The following CPLANE1 variants were observed in gnomAD, a reference collection of about 807,000 sequenced individuals.
CPLANE1 encodes the protein ciliogenesis and planar polarity effector 1.
In CPLANE1, 263 loss-of-function variants were observed where a neutral mutation model predicts 362.5. That is an observed-to-expected ratio of 0.73 (90% CI 0.66 to 0.80). The LOEUF is 0.80. Ranked by LOEUF, CPLANE1 falls within the 30% of genes least tolerant of loss-of-function variation. The pLI is 0.00. For missense variants in CPLANE1, 3,461 were observed against 3,793.4 expected, an observed-to-expected ratio of 0.91 and a Z score of 2.30; for synonymous variants, 1,212 against 1,302.6, an observed-to-expected ratio of 0.93 and a Z score of 1.50.
At position 37,225,933 on chromosome 5, in the gene CPLANE1, C is replaced by T. The variant is rs142718572; in HGVS notation, c.2291+371G>A. On this transcript the variant is annotated intron_variant, in intron 12 of 52. Transcript: ENST00000651892. ...AAAATCTTTCAAGATCATGGTTTTC[C>T]GAGACTAAGAAAATATGTATTGTAC... Among the ~76,000 whole-genome samples, 1,185 of 150,576 alleles carry T rather than the reference C, an allele frequency of 7.9e-3. 11 individuals carry two copies. Among genetic ancestry groups the T allele is most frequent in the African/African-American group, 0.021 (862 of 41,014 alleles).
chr5:37,227,681 C>A lies in CPLANE1; in HGVS notation c.1258G>T (p.Val420Phe). ...CTATCAAGAAATCGAAGGGTTGTGA[C>A]CATATATCCATCAGATATAACGAGG... The part of the protein sequence containing the change: ...PYLVISDGYM[V>F]TTLRFLDSLS... The change falls in exon 10 of 53, where the codon GTC becomes TTC. Residue 420 changes from valine (V) to phenylalanine (F), a missense_variant. Physicochemically the swap from Val to Phe is conservative, Grantham distance 50. This residue lies in a region of CPLANE1 where 3,380 missense variants were observed against 3,666.1 expected (regional missense o/e 0.92). Coordinates refer to ENST00000651892, the MANE Select transcript of CPLANE1 (RefSeq NM_001384732.1). 2 of 1,551,402 alleles carry A rather than the reference C, an allele frequency of 1.3e-6. No homozygotes were observed. Among genetic ancestry groups the A allele is most frequent in the Non-Finnish European group, 1.7e-6 (2 of 1,146,868 alleles).
chr5:37,170,482 AAT>A, intron 32 of CPLANE1, 151 bp from the exon 33 acceptor site: 1 of 839,756 alleles, frequency 1.2e-6, no homozygotes, highest in Non-Finnish European at 1.8e-6. Flanking sequence ...CAGTCAGGGA[AAT>A]TTTTTTTTTT....
At chr5:37,114,893 T>G in intron 51 of CPLANE1, 67 bp downstream of exon 51, 1 of 941,032 alleles carries the variant, frequency 1.1e-6, no homozygotes, top group Non-Finnish European at 1.6e-6. Flanking sequence ...AGTGAGACTC[T>G]GTCTCAAAAA....
At chr5:37,154,033 TAAAG>T in intron 41 of CPLANE1, 40 bp from the exon 42 acceptor site, 2 of 1,528,624 alleles carry the variant, frequency 1.3e-6, no homozygotes, top group African/African-American at 1.4e-5. Context: ...TGATTATAAT[TAAAG>T]AAGAGGTATT....
At chr5:37,218,422 G>A (rs1794637726) in intron 15 of CPLANE1, among the ~76,000 whole-genome samples, 1 of 152,152 alleles carries the variant, frequency 6.6e-6, no homozygotes, top group South Asian at 2.1e-4. Flanking sequence ...ACTCTACTGG[G>A]AGAGGATTCA....
chr5:37,217,181 T>C (rs1794263870), intron 15 of CPLANE1, among the ~76,000 whole-genome samples: 2 of 152,308 alleles, frequency 1.3e-5, no homozygotes, highest in African/African-American at 4.8e-5. Flanking sequence ...GGTAAGATTT[T>C]CAGTAATCTT....
intron 12 of CPLANE1, among the ~76,000 whole-genome samples, chr5:37,226,011 T>C (rs1185579909): frequency 6.6e-6 from 1 of 152,112 alleles, no homozygotes; most frequent in Non-Finnish European, 1.5e-5. Flanking sequence ...AGTGTATACA[T>C]TTATCACGTA....
At chr5:37,211,273 A>C (rs1045995330) in intron 16 of CPLANE1, 1 of 1,513,004 alleles carries the variant, frequency 6.6e-7, no homozygotes, top group Non-Finnish European at 9.1e-7. Context: ...AGGGTCAAAC[A>C]GCTTCAGCAA....
In CPLANE1 at chr5:37,203,902, G is replaced by C. The variant is rs865958975; in HGVS notation, c.3289+1413C>G. ...ATGGAATGGAATTCATTCAAGAGCA[G>C]CTAAAGAGAAAAAAATGGAACCCTT... On this transcript the variant is annotated intron_variant, in intron 18 of 52. Coordinates refer to ENST00000651892, the MANE Select transcript of CPLANE1 (RefSeq NM_001384732.1). 1.9e-4 allele frequency among the ~76,000 whole-genome samples: 29 copies of C among 152,252 alleles called. 1 individual carries two copies. In the Middle Eastern group the frequency reaches 0.01, roughly 54 times the overall value.
chr5:37,120,302 G>A lies in CPLANE1; in HGVS notation c.9224C>T (p.Pro3075Leu), dbSNP rs1762267804. Residue 3075 changes from proline (P) to leucine (L), a missense_variant, in exon 50 of 53, where the codon CCT becomes CTT. Coordinates refer to ENST00000651892, the MANE Select transcript of CPLANE1 (RefSeq NM_001384732.1). Reference protein sequence around the residue: ...QHGHSFLINRPGKVKYMSKPS... With the variant: ...QHGHSFLINRLGKVKYMSKPS... The stretch of plus-strand genomic sequence containing the variant: ...TTTGGACATATATTTGACTTTTCCA[G>A]GTCGATTTATTAGAAAACTGTGACC... The A allele has an allele frequency of 1.9e-6, 3 of 1,594,062 alleles. No individual in the cohort carries two copies. The highest frequency in any genetic ancestry group is 1.2e-5 in the South Asian group (1 of 86,350).
chr5:37,210,275 G>A, intron 16 of CPLANE1: 3 of 1,601,028 alleles, frequency 1.9e-6, no homozygotes, highest in Non-Finnish European at 2.6e-6. Context: ...CAGAGCTGAA[G>A]CAAAGAGTTG....
At chr5:37,120,942 T>C (rs1437407633) in intron 49 of CPLANE1, among the ~76,000 whole-genome samples, 1 of 152,236 alleles carries the variant, frequency 6.6e-6, no homozygotes, top group Non-Finnish European at 1.5e-5. Context: ...TGTTTACAAT[T>C]CTAATAATTT....
At chr5:37,193,924 CT>C (rs746454996) in intron 21 of CPLANE1, among the ~76,000 whole-genome samples, 1,543 of 136,512 alleles carry the variant, frequency 0.011, 17 homozygotes, top group African/African-American at 0.033. Context: ...CTTTTTTTTT[CT>C]TTTTTTTTTT....
chr5:37,239,417 C>T (rs1019364129), intron 7 of CPLANE1, among the ~76,000 whole-genome samples: 43 of 151,616 alleles, frequency 2.8e-4, no homozygotes, highest in African/African-American at 9.4e-4. Flanking sequence ...CCCATCTCTA[C>T]CAAAAAAATA....
At position 37,169,347 on chromosome 5, in the gene CPLANE1, G is replaced by A. The variant is rs757011163; in HGVS notation, c.6677C>T (p.Pro2226Leu). The change falls in exon 34 of 53, where the codon CCT (proline) becomes CTT (leucine). Residue 2226 changes from proline to leucine, a missense_variant. Coordinates refer to ENST00000651892, the MANE Select transcript of CPLANE1 (RefSeq NM_001384732.1). ...AKTFSPGDGF[P>L]LLQFKSKQEF... ...TTGTTTAGACTTAAATTGAAGCAAA[G>A]GAAAGCCATCACCAGGACTAAATGT... 3.1e-6 allele frequency: 5 copies of A among 1,614,026 alleles called. No individual in the cohort carries two copies. Among genetic ancestry groups the A allele is most frequent in the Non-Finnish European group, 4.2e-6 (5 of 1,180,032 alleles).
intron 32 of CPLANE1, among the ~76,000 whole-genome samples, chr5:37,171,379 T>C (rs898835953): frequency 3.3e-5 from 5 of 152,202 alleles, no homozygotes; most frequent in Admixed American, 6.5e-5. Context: ...TATCCCAAGT[T>C]TCTGATTCAA....
chr5:37,207,413 A>AT (rs967017290), intron 16 of CPLANE1, among the ~76,000 whole-genome samples: 8 of 152,206 alleles, frequency 5.3e-5, no homozygotes, highest in Admixed American at 2.6e-4. Flanking sequence ...GACTGGCTAA[A>AT]TTTTTCCTAT....
Position 37,227,068 on chromosome 5 carries a change from A to G in CPLANE1, c.1527T>C (p.Phe509=), listed in dbSNP as rs1796611051. Residue 509 remains phenylalanine (F), a synonymous_variant, in exon 12 of 53, where the codon TTT becomes TTC. Coordinates refer to ENST00000651892, the MANE Select transcript of CPLANE1 (RefSeq NM_001384732.1). Reference sequence around the variant, plus strand: ...TGCCTTCGTTAGTTTCTTCTGCTTCAAAATCCTAAAACATGAGGGGAAAAA... The same window carrying G: ...TGCCTTCGTTAGTTTCTTCTGCTTCGAAATCCTAAAACATGAGGGGAAAAA... ...INENAADFQD[F]EAEETNEGRH... 1.3e-6 allele frequency: 2 copies of G among 1,541,298 alleles called. No individual in the cohort carries two copies. Among genetic ancestry groups the G allele is most frequent in the Non-Finnish European group, 8.8e-7 (1 of 1,142,748 alleles).
At chr5:37,088,872 A>C in the CPLANE1 span, among the ~76,000 whole-genome samples, 2 of 152,170 alleles carry the variant, frequency 1.3e-5, no homozygotes, top group African/African-American at 4.8e-5. Context: ...AAAGGAATTA[A>C]TGTGCTCACC....
Sources: allele counts gnomAD v4.1 joint callset (sites outside exome capture counted in the v4.1 genomes callset), GRCh38; gene constraint gnomAD v4.1.1; regional missense constraint gnomAD v4.1.1; transcripts MANE v1.5; gene names NCBI Gene and HGNC (gene_info 2026-07-23, HGNC 2026-07-21).